ICE2: variants seen among roughly 807,000 people sequenced by gnomAD.
ICE2 encodes little elongation complex subunit 2.
A neutral mutation model predicts 105.4 loss-of-function variants in ICE2; 87 were observed. The observed-to-expected ratio is 0.83, with a 90% CI of 0.69 to 0.99. The LOEUF is 0.99. Among genes scored for constraint, ICE2 ranks in the 50% least tolerant of loss-of-function variants. ICE2 has a pLI of 0.00. For synonymous variants in ICE2, 399 were observed against 392.0 expected, an observed-to-expected ratio of 1.02 and a Z score of -0.21; for missense variants, 1,323 against 1,146.7, an observed-to-expected ratio of 1.15 and a Z score of -2.22.
At chr15:60,472,178 A>G (rs937910032) in intron 3 of ICE2, among the ~76,000 whole-genome samples, 59 of 152,212 alleles carry the variant, frequency 3.9e-4, no homozygotes, top group African/African-American at 1.4e-3. Flanking sequence ...TCATGCTTCA[A>G]AGAAAAGTAA....
At chr15:60,472,000 C>T (rs183574202) in intron 3 of ICE2, among the ~76,000 whole-genome samples, 1 of 151,780 alleles carries the variant, frequency 6.6e-6, no homozygotes, top group East Asian at 1.9e-4. Flanking sequence ...AGCTATTTCC[C>T]CGCTTGTTTG....
At chr15:60,445,070 T>C (rs971443121) in intron 11 of ICE2, among the ~76,000 whole-genome samples, 4 of 152,184 alleles carry the variant, frequency 2.6e-5, no homozygotes, top group Non-Finnish European at 5.9e-5. Flanking sequence ...AGCAGAGTTT[T>C]GGTAAGGAAA....
chr15:60,437,621 C>T (rs548150400), intron 12 of ICE2, among the ~76,000 whole-genome samples: 200 of 151,866 alleles, frequency 1.3e-3, no homozygotes, highest in Middle Eastern at 3.4e-3. Flanking sequence ...GTGTGAGCCA[C>T]TGAGCCCGGC....
At chr15:60,425,293 G>A (rs2063316274) in intron 15 of ICE2, among the ~76,000 whole-genome samples, 1 of 152,050 alleles carries the variant, frequency 6.6e-6, no homozygotes, top group South Asian at 2.1e-4. Context: ...TGCGACTTTT[G>A]GATGATCTAT....
chr15:60,478,455 G>T (rs1248454975), intron 1 of ICE2: 1 of 175,108 alleles, frequency 5.7e-6, no homozygotes, highest in Non-Finnish European at 1.2e-5. Context: ...ATTCTGGCAG[G>T]CACTTTATGA....
chr15:60,476,098 A>T lies in ICE2; in HGVS notation c.111T>A (p.Ala37=). ...SRENYKDHSM[A]PSLKELRVLS... ...AAACACGTAGTTCTTTTAAACTTGG[A>T]GCCATGGAATGATCTTTATAATTTT... Residue 37 remains alanine (A), a synonymous_variant, in exon 3 of 16, where the codon GCT becomes GCA. Transcript: ENST00000261520. 1 of 1,606,740 alleles carries T rather than the reference A, an allele frequency of 6.2e-7. No individual in the cohort carries two copies. Among genetic ancestry groups the T allele is most frequent in the Non-Finnish European group, 8.5e-7 (1 of 1,177,120 alleles).
intron 5 of ICE2, among the ~76,000 whole-genome samples, chr15:60,462,238 T>C (rs1595804026): frequency 6.6e-6 from 1 of 152,312 alleles, no homozygotes; most frequent in Middle Eastern, 3.4e-3. Flanking sequence ...CAAACCACAG[T>C]GAATGAATAC....
intron 3 of ICE2, among the ~76,000 whole-genome samples, chr15:60,472,098 G>A (rs994049136): frequency 2.6e-5 from 4 of 151,130 alleles, no homozygotes; most frequent in African/African-American, 7.3e-5. Context: ...CTACATGAAC[G>A]GCTCATGGGT....
chr15:60,422,449 A>C lies in ICE2; in HGVS notation c.*1185T>G, dbSNP rs927104413. On this transcript the variant is annotated 3_prime_UTR_variant, in exon 16 of 16. Coordinates refer to ENST00000261520, the MANE Select transcript of ICE2 (RefSeq NM_024611.6). Reference sequence around the variant, plus strand: ...CCCTGTCTGTAGTTTCTTAAGTCCAAATTTGCTACAGCAACATCAGTTGAT... The same window carrying C: ...CCCTGTCTGTAGTTTCTTAAGTCCACATTTGCTACAGCAACATCAGTTGAT... The C allele has an allele frequency of 4.6e-5, 7 of 152,096 alleles. No homozygotes were observed. Among genetic ancestry groups the C allele is most frequent in the Non-Finnish European group, 7.3e-5 (5 of 68,058 alleles). 9.4% of individuals were successfully genotyped at this position (152,096 alleles called of 1,614,324 possible). A position where few individuals can be genotyped will look rare whatever the true frequency, so the allele number is the denominator to read the frequency against.
intron 5 of ICE2, among the ~76,000 whole-genome samples, chr15:60,463,222 T>C (rs1382485643): frequency 6.6e-6 from 1 of 152,212 alleles, no homozygotes; most frequent in African/African-American, 2.4e-5. Flanking sequence ...CATCTGTATA[T>C]CGAACAGAAA....
chr15:60,451,347 T>C (rs889961253), intron 9 of ICE2: 6 of 915,794 alleles, frequency 6.6e-6, no homozygotes, highest in Non-Finnish European at 7.8e-6. Flanking sequence ...TAAATTAATA[T>C]ACAAAGAAAA....
At position 60,428,416 on chromosome 15, in the gene ICE2, A is replaced by G; in HGVS notation, c.2820+13T>C. 1 of 1,606,222 alleles carries G rather than the reference A, an allele frequency of 6.2e-7. No individual in the cohort carries two copies. ...ACAACCTAATGAACCTTTAATTTCA[A>G]AAAAGATCTTACCTTTTGTTGTGTT... On this transcript the variant is annotated intron_variant, in intron 15 of 15. Transcript: ENST00000261520.
chr15:60,421,898 G>T lies in ICE2; in HGVS notation c.*1736C>A, dbSNP rs1343513639. The T allele has an allele frequency of 1.3e-5, 2 of 152,028 alleles. No homozygotes were observed. The highest frequency in any genetic ancestry group is 2.9e-5 in the Non-Finnish European group (2 of 68,000). 9.4% of individuals were successfully genotyped at this position (152,028 alleles called of 1,614,324 possible). A position where few individuals can be genotyped will look rare whatever the true frequency, so the allele number is the denominator to read the frequency against. On this transcript the variant is annotated 3_prime_UTR_variant, in exon 16 of 16. Coordinates refer to ENST00000261520, the MANE Select transcript of ICE2 (RefSeq NM_024611.6). ...ATGTTTTATAACAAAAAATCAAAAT[G>T]AAACAAAACTTGGTAGTTGAATATA...
At chr15:60,426,780 A>T (rs963117901) in intron 15 of ICE2, among the ~76,000 whole-genome samples, 3 of 152,222 alleles carry the variant, frequency 2.0e-5, no homozygotes, top group Admixed American at 6.5e-5. Context: ...AACCACTCCC[A>T]CACAGAATTA....
chr15:60,432,917 C>G (rs931363978), intron 13 of ICE2, among the ~76,000 whole-genome samples: 2 of 151,934 alleles, frequency 1.3e-5, no homozygotes, highest in African/African-American at 4.8e-5. Context: ...AAACCAAAAC[C>G]AAACAAACAA....
At chr15:60,462,281 T>G (rs147400319) in intron 5 of ICE2, among the ~76,000 whole-genome samples, 1 of 152,066 alleles carries the variant, frequency 6.6e-6, no homozygotes, top group African/African-American at 2.4e-5. Context: ...GCTGGGGTGG[T>G]GGGGAAAATG....
intron 5 of ICE2, among the ~76,000 whole-genome samples, chr15:60,466,279 A>G (rs1241825922): frequency 6.6e-6 from 1 of 152,240 alleles, no homozygotes; most frequent in African/African-American, 2.4e-5. Context: ...AGGGACCAGG[A>G]TAACGCTTTA....
intron 13 of ICE2, 151 bp from the exon 14 acceptor site, chr15:60,432,135 T>G (rs752685588): frequency 4.2e-5 from 16 of 384,876 alleles, no homozygotes; most frequent in African/African-American, 6.3e-5. Context: ...CTTATTTCTA[T>G]TTGGATTAAA....
At chr15:60,462,625 T>C (rs1260411940) in intron 5 of ICE2, among the ~76,000 whole-genome samples, 1 of 152,144 alleles carries the variant, frequency 6.6e-6, no homozygotes, top group Non-Finnish European at 1.5e-5. Context: ...ATTTGGAATA[T>C]ACAAAGAAAT....
Sources: gnomAD v4.1 joint callset for allele counts (sites outside exome capture counted in the v4.1 genomes callset) on GRCh38, gnomAD v4.1.1 for gene constraint, MANE v1.5 for transcripts, NCBI Gene and HGNC (gene_info 2026-07-23, HGNC 2026-07-21) for gene names.